FCRL5: variants seen among roughly 807,000 people sequenced by gnomAD.
FCRL5 encodes Fc receptor-like protein 5.
Under a neutral mutation model 92.1 loss-of-function variants are expected in FCRL5, and 79 were observed. The observed-to-expected ratio is 0.86, with a 90% CI of 0.72 to 1.03. The LOEUF (loss-of-function observed/expected upper bound fraction) is 1.03, where lower values mean the gene tolerates loss of function less well. Ranked by LOEUF, FCRL5 falls within the 50% of genes least tolerant of loss-of-function variation. The pLI, the probability that FCRL5 is intolerant of heterozygous loss-of-function variation, is 0.00. For synonymous variants in FCRL5, 466 were observed against 469.3 expected (o/e 0.99, Z 0.09); for missense variants, 1,160 against 1,181.1 (o/e 0.98, Z 0.26).
At position 157,543,136 on chromosome 1, in the gene FCRL5, G is replaced by A; in HGVS notation, c.846C>T (p.Ile282=). The A allele has an allele frequency of 6.2e-7, 1 of 1,612,292 alleles. No homozygotes were observed. Among genetic ancestry groups the A allele is most frequent in the Non-Finnish European group, 8.5e-7 (1 of 1,179,148 alleles). ...GAGTGAGGACAGGATGAGATGCAGG[G>A]ACTGAGCAAGAGAAAAAATTAGTCA... ...DSPRSWIQVQ[I]PASHPVLTLS... Residue 282 remains isoleucine (I), a splice_region_variant and synonymous_variant, in exon 6 of 17, where the codon ATC becomes ATT. Transcript: ENST00000361835.
chr1:157,538,410 A>G (rs956808067), intron 7 of FCRL5, among the ~76,000 whole-genome samples: 4 of 152,224 alleles, frequency 2.6e-5, no homozygotes, highest in Non-Finnish European at 5.9e-5. Context: ...TTAGCCACAC[A>G]TGGATGGTTC....
intron 1 of FCRL5, among the ~76,000 whole-genome samples, chr1:157,550,805 G>C (rs1651777341): frequency 6.6e-6 from 1 of 152,206 alleles, no homozygotes; most frequent in African/African-American, 2.4e-5. Context: ...TGAAGAGAGA[G>C]AGGACACAAA....
Position 157,544,120 on chromosome 1 carries a change from T to C in FCRL5, c.844+142A>G, listed in dbSNP as rs1475889131. On this transcript the variant is annotated intron_variant, in intron 5 of 16. Coordinates refer to ENST00000361835, the MANE Select transcript of FCRL5 (RefSeq NM_031281.3). ...AGCTCTTCTAAGATGTTCACAAGAGTAGAGGTCTCTTTGCTTGCACAACTC... is the reference window on the plus strand; with the variant it reads ...AGCTCTTCTAAGATGTTCACAAGAGCAGAGGTCTCTTTGCTTGCACAACTC... 7 of 821,206 alleles carry C rather than the reference T, an allele frequency of 8.5e-6. No homozygotes were observed. The African/African-American group carries it at 1.0e-4, about 12-fold the overall frequency. 50.9% of individuals were successfully genotyped at this position (821,206 alleles called of 1,614,324 possible).
rs1164161788 is a variant in FCRL5 at position 157,515,437 on chromosome 1, G to A, written c.*238C>T. The A allele has an allele frequency of 5.9e-6, 4 of 682,510 alleles. No homozygotes were observed. In the East Asian group the frequency reaches 9.0e-5, roughly 15 times the overall value. The allele number at this position is 682,510 out of a possible 1,614,324, so 42.3% of individuals were successfully genotyped here. ...AATCCAGGAGATGTGCTGGGCCCTG[G>A]AGTGGGAGCACCTTGCCACTGGATT... is the stretch of plus-strand genomic sequence containing the variant. On this transcript the variant is annotated 3_prime_UTR_variant, in exon 17 of 17. Transcript: ENST00000361835.
At chr1:157,536,183 C>G (rs1326639897) in intron 7 of FCRL5, among the ~76,000 whole-genome samples, 1 of 152,072 alleles carries the variant, frequency 6.6e-6, no homozygotes, top group Non-Finnish European at 1.5e-5. Context: ...CTCAGGTGAT[C>G]CACCTGCCTC....
intron 13 of FCRL5, among the ~76,000 whole-genome samples, chr1:157,519,242 G>A (rs143041294): frequency 6.6e-6 from 1 of 152,186 alleles, no homozygotes; most frequent in Admixed American, 6.5e-5. Context: ...CCTTTGTGTG[G>A]CTCCTAAAGT....
chr1:157,536,820 C>T (rs1236556153), intron 7 of FCRL5, among the ~76,000 whole-genome samples: 1 of 152,198 alleles, frequency 6.6e-6, no homozygotes, highest in African/African-American at 2.4e-5. Flanking sequence ...GGCAGAAGAA[C>T]ATAAATTTTG....
chr1:157,524,481 G>A lies in FCRL5; in HGVS notation c.2037C>T (p.His679=), dbSNP rs780932690. The change falls in exon 10 of 17, where the codon CAC becomes CAT. Residue 679 remains histidine, a synonymous_variant. Coordinates refer to ENST00000361835, the MANE Select transcript of FCRL5 (RefSeq NM_031281.3). ...GGGAGGAGCCTCTCAGGGCCTCACA[G>A]TGAAGCTCCAGCAGGTCCCCCACCA... The part of the protein sequence containing the change: ...QAVVGDLLEL[H]CEALRGSSPI... The A allele has an allele frequency of 6.2e-7, 1 of 1,614,208 alleles. No individual in the cohort carries two copies. Among genetic ancestry groups the A allele is most frequent in the African/African-American group, 1.3e-5 (1 of 75,074 alleles).
chr1:157,536,289 A>C (rs1425920868), intron 7 of FCRL5, among the ~76,000 whole-genome samples: 1 of 152,046 alleles, frequency 6.6e-6, no homozygotes, highest in Non-Finnish European at 1.5e-5. Context: ...GCCTTATCCA[A>C]ACTGGCTCAC....
chr1:157,536,186 C>A (rs772326293), intron 7 of FCRL5, among the ~76,000 whole-genome samples: 2 of 152,124 alleles, frequency 1.3e-5, no homozygotes, highest in African/African-American at 2.4e-5. Context: ...AGGTGATCCA[C>A]CTGCCTCAGC....
At chr1:157,549,443 A>G in intron 2 of FCRL5, 117 bp downstream of exon 2, 1 of 946,962 alleles carries the variant, frequency 1.1e-6, no homozygotes, top group Non-Finnish European at 1.6e-6. Context: ...AATAAAAAAA[A>G]GGAAAGAAAA....
intron 7 of FCRL5, among the ~76,000 whole-genome samples, chr1:157,535,527 T>TTATGTCA (rs1352152876): frequency 1.3e-5 from 2 of 152,200 alleles, no homozygotes; most frequent in Admixed American, 1.3e-4. Flanking sequence ...CTCTACTTCT[T>TTATGTCA]TATCTCATAT....
intron 6 of FCRL5, 81 bp downstream of exon 6, chr1:157,542,778 G>A (rs1651326953): frequency 1.4e-5 from 20 of 1,468,906 alleles, no homozygotes; most frequent in Non-Finnish European, 1.8e-5. Flanking sequence ...GATACTGGAA[G>A]GTATATGCTG....
rs1651133500 is a variant in FCRL5, at chr1:157,539,270, A to T, written c.1218T>A (p.Gly406=). 6.2e-7 allele frequency: 1 copy of T among 1,614,000 alleles called. No homozygotes were observed. The highest frequency in any genetic ancestry group is 8.5e-7 in the Non-Finnish European group (1 of 1,180,008). ...GAAACTGGTACAGGATGGGGAGTGA[A>T]CCTCTCTGGGCTTCACAGTGAAGTG... The part of the protein sequence containing the change: ...KVTLHCEAQR[G]SLPILYQFHH... The change falls in exon 7 of 17, where the codon GGT becomes GGA. Residue 406 remains glycine, a synonymous_variant. Transcript: ENST00000361835.
At position 157,516,445 on chromosome 1, in the gene FCRL5, G is replaced by C. The variant is rs566939198; in HGVS notation, c.2813-572C>G. Among the ~76,000 whole-genome samples the C allele has an allele frequency of 9.8e-5, 15 of 152,304 alleles. No homozygotes were observed. In the South Asian group the frequency reaches 3.1e-3, roughly 32 times the overall value. On this transcript the variant is annotated intron_variant, in intron 15 of 16. Transcript: ENST00000361835. ...TGTGCATATATTATTTCTATCATCT[G>C]TCATGTATTGAGCAGTTTCTATGTG...
rs780301389 is a variant in FCRL5, at chr1:157,543,059, C to T, written c.923G>A (p.Cys308Tyr). ...NFEGTKVTLH[C>Y]ETQEDSLRTL... ...GCGCAGAGAATCTTCCTGGGTTTCACAGTGAAGTGTCACCTTGGTTCCCTC... is the reference window on the plus strand; with the variant it reads ...GCGCAGAGAATCTTCCTGGGTTTCATAGTGAAGTGTCACCTTGGTTCCCTC... The change falls in exon 6 of 17, where the codon TGT (cysteine) becomes TAT (tyrosine). Residue 308 changes from cysteine (C) to tyrosine (Y), a missense_variant. By Grantham distance (194) the Cys-to-Tyr change is radical (BLOSUM62 -2). Coordinates refer to ENST00000361835, the MANE Select transcript of FCRL5 (RefSeq NM_031281.3). 3 of 1,614,106 alleles carry T rather than the reference C, an allele frequency of 1.9e-6. No individual in the cohort carries two copies. The highest frequency in any genetic ancestry group is 2.5e-6 in the Non-Finnish European group (3 of 1,180,042).
intron 1 of FCRL5, 85 bp from the exon 2 acceptor site, chr1:157,549,665 G>T: frequency 1.6e-6 from 2 of 1,217,620 alleles, no homozygotes; most frequent in Non-Finnish European, 2.3e-6. Context: ...ACCCATGCAT[G>T]TATTACTTGT....
chr1:157,551,191 G>T (rs1368326196), intron 1 of FCRL5, among the ~76,000 whole-genome samples: 1 of 152,182 alleles, frequency 6.6e-6, no homozygotes, highest in Non-Finnish European at 1.5e-5. Flanking sequence ...CCAGGAATCT[G>T]GTAGCCAGTA....
In FCRL5 at chr1:157,542,846, A is replaced by T; in HGVS notation, c.1123+13T>A. On this transcript the variant is annotated intron_variant, in intron 6 of 16. Coordinates refer to ENST00000361835, the MANE Select transcript of FCRL5 (RefSeq NM_031281.3). The stretch of plus-strand genomic sequence containing the variant: ...GGCCAGGGGTGGGTGATTGGCAGGA[A>T]TGCAGGGCTTACCAGTGACTGAGAG... The T allele has an allele frequency of 6.2e-7, 1 of 1,605,934 alleles. No individual in the cohort carries two copies. The highest frequency in any genetic ancestry group is 8.5e-7 in the Non-Finnish European group (1 of 1,175,558).
Sources: allele counts gnomAD v4.1 joint callset (sites outside exome capture counted in the v4.1 genomes callset), GRCh38; gene constraint gnomAD v4.1.1; transcripts MANE v1.5; gene names NCBI Gene and HGNC (gene_info 2026-07-23, HGNC 2026-07-21).